The following HERC3 variants were observed in gnomAD, a reference collection of about 807,000 sequenced individuals.
The protein encoded by HERC3 is HECT and RLD domain containing E3 ubiquitin protein ligase 3.
A neutral mutation model predicts 129.9 loss-of-function variants in HERC3; 58 were observed. The ratio of observed to expected loss-of-function variants is 0.45; its 90% CI spans 0.36 to 0.56. The LOEUF is 0.56. Among genes scored for constraint, HERC3 ranks in the 20% least tolerant of loss-of-function variants. The pLI is 0.00. For synonymous variants in HERC3, 430 were observed against 451.0 expected (o/e 0.95, Z 0.59); for missense variants, 835 against 1,244.2 (o/e 0.67, Z 4.95).
intron 7 of HERC3, among the ~76,000 whole-genome samples, chr4:88,654,348 TCATATATATA>T (rs1374938653): frequency 2.6e-4 from 29 of 109,654 alleles, no homozygotes; most frequent in African/African-American, 6.4e-4. Context: ...TGTAGATTTT[TCATATATATA>T]TATATATATA....
intron 6 of HERC3, among the ~76,000 whole-genome samples, chr4:88,653,321 G>A (rs888348337): frequency 3.3e-5 from 5 of 152,204 alleles, no homozygotes; most frequent in Admixed American, 6.5e-5. Flanking sequence ...TACATAAGGT[G>A]GTGGGGAAGG....
chr4:88,636,089 AT>A (rs2149249132), intron 3 of HERC3, among the ~76,000 whole-genome samples: 1 of 152,326 alleles, frequency 6.6e-6, no homozygotes, highest in South Asian at 2.1e-4. Context: ...AACGGCATCA[AT>A]TACCATGCAA....
the HERC3 span, among the ~76,000 whole-genome samples, chr4:88,526,732 C>T: frequency 6.6e-6 from 1 of 152,014 alleles, no homozygotes; most frequent in Non-Finnish European, 1.5e-5. Context: ...GATGGTGTTT[C>T]ATGTTGCCCA....
At chr4:88,586,380 C>T in the HERC3 span, among the ~76,000 whole-genome samples, 10 of 128,240 alleles carry the variant, frequency 7.8e-5, no homozygotes, top group South Asian at 2.4e-4. Context: ...TTTTTTGAGA[C>T]GGAGTTTCGC....
chr4:88,615,248 A>G (rs943582647), intron 3 of HERC3, among the ~76,000 whole-genome samples: 2 of 152,146 alleles, frequency 1.3e-5, no homozygotes, highest in African/African-American at 4.8e-5. Flanking sequence ...TATGATCTTT[A>G]TAGATCTGGG....
chr4:88,704,372 A>T, intron 24 of HERC3, 91 bp downstream of exon 24: 1 of 1,394,698 alleles, frequency 7.2e-7, no homozygotes, highest in Non-Finnish European at 1.0e-6. Flanking sequence ...CGTTCCAAGC[A>T]TACTGTGGTT....
At chr4:88,676,130 T>C in intron 16 of HERC3, 88 bp from the exon 17 acceptor site, 1 of 962,964 alleles carries the variant, frequency 1.0e-6, no homozygotes, top group Non-Finnish European at 1.6e-6. Context: ...ATTGGTTCTG[T>C]GTTTTGTTAT....
At chr4:88,693,180 T>A in intron 23 of HERC3, 1 of 984,462 alleles carries the variant, frequency 1.0e-6, no homozygotes, top group Non-Finnish European at 1.2e-6. Context: ...TGTTCTTTTT[T>A]ATTCCTCTTT....
At chr4:88,551,471 A>G in the HERC3 span, among the ~76,000 whole-genome samples, 12 of 151,098 alleles carry the variant, frequency 7.9e-5, no homozygotes, top group East Asian at 2.1e-3. Flanking sequence ...AAAGTGGGCA[A>G]AGGATATGAA....
Position 88,707,039 on chromosome 4 carries a change from ATTTCTATTTT to A in HERC3, c.*83_*92del. 8.7e-7 allele frequency: 1 copy of A among 1,147,218 alleles called. No individual in the cohort carries two copies. The highest frequency in any genetic ancestry group is 1.3e-6 in the Non-Finnish European group (1 of 779,036). 71.1% of individuals were successfully genotyped at this position (1,147,218 alleles called of 1,614,324 possible). On this transcript the variant is annotated 3_prime_UTR_variant, in exon 26 of 26. Coordinates refer to ENST00000402738, the MANE Select transcript of HERC3 (RefSeq NM_014606.3). ...CCTATACAGAAAATCATGGGGAGTG[ATTTCTATTTT>A]TTTATTGTCTAAGTGGGTTGGGACT...
the HERC3 span, among the ~76,000 whole-genome samples, chr4:88,569,393 T>G: frequency 6.6e-6 from 1 of 152,222 alleles, no homozygotes; most frequent in Non-Finnish European, 1.5e-5. Context: ...CCCCCTTAAG[T>G]GCCTCTTTCC....
intron 21 of HERC3, among the ~76,000 whole-genome samples, chr4:88,683,530 T>G (rs1733046418): frequency 6.6e-6 from 1 of 152,192 alleles, no homozygotes; most frequent in Non-Finnish European, 1.5e-5. Flanking sequence ...GGCTGAGAAT[T>G]ATGTATTTCA....
chr4:88,652,753 C>T (rs903265591), intron 5 of HERC3, 116 bp from the exon 6 acceptor site: 21 of 1,044,146 alleles, frequency 2.0e-5, no homozygotes, highest in South Asian at 1.1e-4. Context: ...TGTTCCTTTG[C>T]TCTTGGGTGG....
chr4:88,544,043 T>A, the HERC3 span, among the ~76,000 whole-genome samples: 1 of 152,136 alleles, frequency 6.6e-6, no homozygotes, highest in African/African-American at 2.4e-5. Flanking sequence ...CCAAAAGCAA[T>A]GGCAACAGAA....
At chr4:88,553,393 T>TA in the HERC3 span, among the ~76,000 whole-genome samples, 2 of 152,176 alleles carry the variant, frequency 1.3e-5, no homozygotes, top group African/African-American at 4.8e-5. Flanking sequence ...CTGTTGCTTG[T>TA]AAACAACAGA....
chr4:88,547,053 T>A, the HERC3 span, among the ~76,000 whole-genome samples: 1 of 152,192 alleles, frequency 6.6e-6, no homozygotes, highest in African/African-American at 2.4e-5. Context: ...TTTTTCTTTC[T>A]TTCATCCTAA....
chr4:88,568,305 C>T, the HERC3 span, among the ~76,000 whole-genome samples: 1 of 152,196 alleles, frequency 6.6e-6, no homozygotes, highest in African/African-American at 2.4e-5. Context: ...ACTCAAGGCC[C>T]AAGGGCTCTT....
chr4:88,627,622 G>C (rs1447787905), intron 3 of HERC3, among the ~76,000 whole-genome samples: 1 of 152,034 alleles, frequency 6.6e-6, no homozygotes, highest in Admixed American at 6.6e-5. Flanking sequence ...AAATTTAGTG[G>C]CCGGGCATGG....
chr4:88,588,332 G>C (rs755655746), upstream of HERC3, among the ~76,000 whole-genome samples: 1 of 152,110 alleles, frequency 6.6e-6, no homozygotes, highest in Non-Finnish European at 1.5e-5. Context: ...TTTATTCTAA[G>C]TTGTTTCATA....
Sources: gnomAD v4.1 joint callset for allele counts (sites outside exome capture counted in the v4.1 genomes callset) on GRCh38, gnomAD v4.1.1 for gene constraint, MANE v1.5 for transcripts, NCBI Gene and HGNC (gene_info 2026-07-23, HGNC 2026-07-21) for gene names.